The following LYPLAL1 variants were observed in gnomAD, a reference collection of about 807,000 sequenced individuals.
LYPLAL1 encodes lysophospholipase like 1.
Under a neutral mutation model 19.7 loss-of-function variants are expected in LYPLAL1, and 23 were observed. That is an observed-to-expected ratio of 1.17 (90% CI 0.84 to 1.65). The LOEUF (loss-of-function observed/expected upper bound fraction) is 1.65, where lower values mean the gene tolerates loss of function less well. Among genes scored for constraint, LYPLAL1 ranks in the 40% most tolerant of loss-of-function variants. The probability of loss-of-function intolerance (pLI) is 0.00; values close to 1 mark genes in which losing one functional copy is unlikely to be tolerated. For synonymous variants in LYPLAL1, 119 were observed against 96.3 expected (o/e 1.24, Z -1.38); for missense variants, 355 against 279.4 (o/e 1.27, Z -1.93).
the LYPLAL1 span, among the ~76,000 whole-genome samples, chr1:219,422,867 T>C: frequency 6.6e-6 from 1 of 152,158 alleles, no homozygotes; most frequent in Non-Finnish European, 1.5e-5. Context: ...AATGTTGCTG[T>C]ATGTGTACCA....
chr1:219,327,639 T>C, the LYPLAL1 span, among the ~76,000 whole-genome samples: 1 of 152,242 alleles, frequency 6.6e-6, no homozygotes, highest in South Asian at 2.1e-4. Flanking sequence ...AATAGTGTGA[T>C]ATAGTTTGGC....
the LYPLAL1 span, among the ~76,000 whole-genome samples, chr1:219,286,537 C>A: frequency 6.6e-6 from 1 of 152,094 alleles, no homozygotes; most frequent in African/African-American, 2.4e-5. Context: ...TTGCAGCATC[C>A]TTATGTAAAA....
chr1:219,383,246 A>T, the LYPLAL1 span, among the ~76,000 whole-genome samples: 1 of 152,196 alleles, frequency 6.6e-6, no homozygotes, highest in African/African-American at 2.4e-5. Flanking sequence ...TTTATATTCT[A>T]CTCAAAACTC....
the LYPLAL1 span, among the ~76,000 whole-genome samples, chr1:219,258,506 T>G: frequency 6.6e-6 from 1 of 152,090 alleles, no homozygotes; most frequent in Non-Finnish European, 1.5e-5. Context: ...CTTTCAACTA[T>G]ACTATGCTCT....
At chr1:219,267,581 T>C in the LYPLAL1 span, among the ~76,000 whole-genome samples, 3 of 152,256 alleles carry the variant, frequency 2.0e-5, no homozygotes, top group African/African-American at 7.2e-5. Flanking sequence ...ATTTCAGGCC[T>C]GTGTTACCTT....
chr1:219,326,530 A>G, the LYPLAL1 span, among the ~76,000 whole-genome samples: 376 of 152,248 alleles, frequency 2.5e-3, 2 homozygotes, highest in African/African-American at 8.6e-3. Flanking sequence ...ATGATCCCCA[A>G]TTCCCTTCTG....
the LYPLAL1 span, among the ~76,000 whole-genome samples, chr1:219,333,863 G>T: frequency 6.6e-6 from 1 of 151,934 alleles, no homozygotes; most frequent in Admixed American, 6.6e-5. Context: ...ACCTTGTCCA[G>T]GAGACAGCTG....
chr1:219,376,900 G>A, the LYPLAL1 span, among the ~76,000 whole-genome samples: 1 of 152,190 alleles, frequency 6.6e-6, no homozygotes, highest in Non-Finnish European at 1.5e-5. Flanking sequence ...AAATGGTACA[G>A]CTGCTATGGA....
the LYPLAL1 span, among the ~76,000 whole-genome samples, chr1:219,227,517 T>C: frequency 6.6e-6 from 1 of 152,226 alleles, no homozygotes; most frequent in Admixed American, 6.5e-5. Flanking sequence ...AGTCTTGCAC[T>C]TTAAATGCCA....
At chr1:219,425,446 C>A in the LYPLAL1 span, among the ~76,000 whole-genome samples, 1 of 152,190 alleles carries the variant, frequency 6.6e-6, no homozygotes, top group Non-Finnish European at 1.5e-5. Flanking sequence ...TTCTTCACTT[C>A]TATCCTCTAC....
At chr1:219,199,701 G>T (rs918374220) in intron 3 of LYPLAL1, among the ~76,000 whole-genome samples, 3 of 147,192 alleles carry the variant, frequency 2.0e-5, no homozygotes, top group Admixed American at 1.4e-4. Context: ...TGCAAGCTCC[G>T]CCTCCTGGGT....
At chr1:219,431,608 C>G in the LYPLAL1 span, among the ~76,000 whole-genome samples, 1 of 152,044 alleles carries the variant, frequency 6.6e-6, no homozygotes, top group African/African-American at 2.4e-5. Context: ...TCTTCCGTGG[C>G]CCTTACCTTT....
chr1:219,239,285 C>T, the LYPLAL1 span, among the ~76,000 whole-genome samples: 3 of 152,244 alleles, frequency 2.0e-5, no homozygotes, highest in Non-Finnish European at 4.4e-5. Flanking sequence ...TGTGCAGTTA[C>T]TACTGTGCTG....
chr1:219,375,830 C>G, the LYPLAL1 span, among the ~76,000 whole-genome samples: 2 of 151,372 alleles, frequency 1.3e-5, no homozygotes, highest in African/African-American at 4.9e-5. Flanking sequence ...CAAGCTCCAC[C>G]TCCCGGGTTC....
the LYPLAL1 span, among the ~76,000 whole-genome samples, chr1:219,421,622 T>A: frequency 6.6e-6 from 1 of 152,166 alleles, no homozygotes; most frequent in Admixed American, 6.5e-5. Context: ...TTGTTCATCC[T>A]CAAAGCCATT....
the LYPLAL1 span, among the ~76,000 whole-genome samples, chr1:219,287,184 G>A: frequency 3.4e-4 from 51 of 152,164 alleles, no homozygotes; most frequent in African/African-American, 1.1e-3. Context: ...CTTTTTATCC[G>A]AATGCAGGAA....
At chr1:219,373,969 G>T in the LYPLAL1 span, among the ~76,000 whole-genome samples, 22 of 151,466 alleles carry the variant, frequency 1.5e-4, no homozygotes, top group African/African-American at 5.1e-4. Context: ...AAGGAAAAAG[G>T]AAGAGATTTC....
At chr1:219,238,200 C>A in the LYPLAL1 span, among the ~76,000 whole-genome samples, 1 of 148,558 alleles carries the variant, frequency 6.7e-6, no homozygotes, top group Non-Finnish European at 1.5e-5. Context: ...TGCAGTGGCG[C>A]AATCTCGGCT....
chr1:219,352,409 T>C, the LYPLAL1 span, among the ~76,000 whole-genome samples: 97 of 152,156 alleles, frequency 6.4e-4, no homozygotes, highest in African/African-American at 2.1e-3. Context: ...TCTCAGCTAC[T>C]GGGAAGGCTG....
Sources: gnomAD v4.1 joint callset for allele counts (sites outside exome capture counted in the v4.1 genomes callset) on GRCh38, gnomAD v4.1.1 for gene constraint, MANE v1.5 for transcripts, NCBI Gene and HGNC (gene_info 2026-07-23, HGNC 2026-07-21) for gene names.